The following AFAP1L2 variants were observed in gnomAD, a reference collection of about 807,000 sequenced individuals.
The protein encoded by AFAP1L2 is actin filament associated protein 1 like 2.
Under a neutral mutation model 99.3 loss-of-function variants are expected in AFAP1L2, and 46 were observed. The ratio of observed to expected loss-of-function variants is 0.46; its 90% CI spans 0.37 to 0.59. The LOEUF (loss-of-function observed/expected upper bound fraction) is 0.59. Among genes scored for constraint, AFAP1L2 ranks in the 20% least tolerant of loss-of-function variants. AFAP1L2 has a pLI of 0.00. For synonymous variants in AFAP1L2, 397 were observed against 419.1 expected, an observed-to-expected ratio of 0.95 and a Z score of 0.64; for missense variants, 959 against 1,034.9, an observed-to-expected ratio of 0.93 and a Z score of 1.01.
chr10:114,284,874 T>C, the AFAP1L2 span: 1 of 1,608,882 alleles, frequency 6.2e-7, no homozygotes, highest in Non-Finnish European at 8.5e-7. Flanking sequence ...CCCCTGTGAC[T>C]CGCAGCCCTG....
intron 5 of AFAP1L2, 97 bp downstream of exon 5, chr10:114,323,074 C>G: frequency 2.7e-6 from 3 of 1,129,244 alleles, no homozygotes; most frequent in Non-Finnish European, 3.8e-6. Context: ...TCACCCAGCC[C>G]AGGATGAGTG....
At chr10:114,328,036 T>C (rs578109414) in intron 4 of AFAP1L2, among the ~76,000 whole-genome samples, 2 of 152,030 alleles carry the variant, frequency 1.3e-5, no homozygotes, top group Non-Finnish European at 2.9e-5. Context: ...GACGATGGGG[T>C]GGAGATGGCC....
intron 1 of AFAP1L2, among the ~76,000 whole-genome samples, chr10:114,359,657 A>T (rs1382889789): frequency 6.6e-6 from 1 of 152,240 alleles, no homozygotes; most frequent in Non-Finnish European, 1.5e-5. Context: ...TTTAGGCTTC[A>T]AACAAGTGAT....
intron 1 of AFAP1L2, among the ~76,000 whole-genome samples, chr10:114,345,133 A>AGAT (rs2136038697): frequency 6.7e-6 from 1 of 149,296 alleles, no homozygotes; most frequent in Non-Finnish European, 1.5e-5. Context: ...AAAAGGGATG[A>AGAT]GATGCTCAGA....
rs539934313 is a variant in AFAP1L2 at position 114,336,848 on chromosome 10, G to A, written c.146-3553C>T. Among the ~76,000 whole-genome samples, 392 of 152,296 alleles carry A rather than the reference G, an allele frequency of 2.6e-3. 3 individuals carry two copies. Among genetic ancestry groups the A allele is most frequent in the African/African-American group, 9.1e-3 (378 of 41,562 alleles). ...TCTCCATCCAGACAAAAAGCAAAGA[G>A]GGTAGAAAAATTTGTGTTACACTGA... On this transcript the variant is annotated intron_variant, in intron 2 of 18. Transcript: ENST00000304129.
intron 4 of AFAP1L2, among the ~76,000 whole-genome samples, chr10:114,323,659 A>C (rs530049663): frequency 6.6e-6 from 1 of 152,240 alleles, no homozygotes; most frequent in Admixed American, 6.5e-5. Flanking sequence ...ACAAGTGCTA[A>C]TCAATAGCAC....
chr10:114,289,542 C>CT, the AFAP1L2 span: 1 of 1,596,812 alleles, frequency 6.3e-7, no homozygotes, highest in East Asian at 2.2e-5. Context: ...GGCCCTCAGC[C>CT]TGAGCCTTCA....
At chr10:114,311,833 G>A (rs766621695) in intron 7 of AFAP1L2, among the ~76,000 whole-genome samples, 1 of 152,208 alleles carries the variant, frequency 6.6e-6, no homozygotes, top group Non-Finnish European at 1.5e-5. Context: ...GTCTCACCCT[G>A]GGCATGGGTG....
chr10:114,301,381 G>A lies in AFAP1L2; in HGVS notation c.1515C>T (p.Asp505=), dbSNP rs147782328. 2.3e-5 allele frequency: 37 copies of A among 1,614,096 alleles called. 1 individual carries two copies. The highest frequency in any genetic ancestry group is 1.6e-4 in the African/African-American group (12 of 74,954). The change falls in exon 13 of 19, where the codon GAC becomes GAT. Residue 505 remains aspartate, a synonymous_variant. Transcript: ENST00000304129. ...SQDRQEELYD[D]VDLSELTAAV... ...CAGCTGTGAGCTCTGACAGGTCCAC[G>A]TCGTCATACAGCTCCTCCTGGCGGT... is the stretch of plus-strand genomic sequence containing the variant.
At chr10:114,386,323 C>A (rs1776917087) in intron 1 of AFAP1L2, among the ~76,000 whole-genome samples, 1 of 152,060 alleles carries the variant, frequency 6.6e-6, no homozygotes, top group South Asian at 2.1e-4. Flanking sequence ...ATCGCTTGAG[C>A]CCAGGATGTC....
chr10:114,368,535 C>A (rs945873031), intron 1 of AFAP1L2, among the ~76,000 whole-genome samples: 1 of 152,132 alleles, frequency 6.6e-6, no homozygotes, highest in African/African-American at 2.4e-5. Flanking sequence ...TCTCCTGCCT[C>A]AGCCTCCTGA....
chr10:114,319,880 T>G (rs537660812), intron 5 of AFAP1L2, among the ~76,000 whole-genome samples: 1 of 152,290 alleles, frequency 6.6e-6, no homozygotes, highest in African/African-American at 2.4e-5. Context: ...GATGACCATG[T>G]GACTACTTGT....
chr10:114,290,952 C>G (rs937570285), downstream of AFAP1L2, among the ~76,000 whole-genome samples: 1 of 152,136 alleles, frequency 6.6e-6, no homozygotes, highest in South Asian at 2.1e-4. Context: ...GGCTCCTGTT[C>G]ATGAGTTTGA....
chr10:114,307,920 G>A lies in AFAP1L2; in HGVS notation c.968-11C>T, dbSNP rs764685201. 2.5e-6 allele frequency: 4 copies of A among 1,612,726 alleles called. No homozygotes were observed. In the African/African-American group the frequency reaches 5.3e-5, roughly 22 times the overall value. ...AACATTTCTTCTTGACTGTCAAGAT[G>A]AGACAGAAAGCAATTCGTATTGCAC... On this transcript the variant is annotated splice_polypyrimidine_tract_variant and intron_variant, in intron 9 of 18. Transcript: ENST00000304129.
intron 1 of AFAP1L2, chr10:114,398,884 C>G (rs757596843): frequency 7.7e-7 from 1 of 1,304,228 alleles, no homozygotes; most frequent in East Asian, 5.5e-5. Flanking sequence ...CTCTGTACCA[C>G]CAGACAGCAA....
At chr10:114,330,167 C>G (rs987594133) in intron 4 of AFAP1L2, among the ~76,000 whole-genome samples, 1 of 152,174 alleles carries the variant, frequency 6.6e-6, no homozygotes, top group African/African-American at 2.4e-5. Flanking sequence ...CCACCCACCC[C>G]ACATGGTAGA....
intron 1 of AFAP1L2, among the ~76,000 whole-genome samples, chr10:114,382,591 T>TTC (rs2055817953): frequency 4.7e-4 from 2 of 4,284 alleles, no homozygotes; most frequent in Non-Finnish European, 5.5e-3. Context: ...TTCTTCTCTT[T>TTC]TTTTTTTTTT....
chr10:114,377,050 G>A lies in AFAP1L2; in HGVS notation c.16+27390C>T, dbSNP rs1388154481. On this transcript the variant is annotated intron_variant, in intron 1 of 18. Transcript: ENST00000304129. The surrounding 1 kb of genome is among the most constrained non-coding windows in gnomAD (Gnocchi z 4.0). ...CAACTTGGTGTTTTCAAATATCACT[G>A]GGGGCATTATACAAGACAAGGTCAT... is the stretch of plus-strand genomic sequence containing the variant. Among the ~76,000 whole-genome samples, 2 of 152,156 alleles carry A rather than the reference G, an allele frequency of 1.3e-5. No individual in the cohort carries two copies. The highest frequency in any genetic ancestry group is 2.9e-5 in the Non-Finnish European group (2 of 68,036).
At chr10:114,363,844 C>G (rs1282619857) in intron 1 of AFAP1L2, among the ~76,000 whole-genome samples, 2 of 149,670 alleles carry the variant, frequency 1.3e-5, no homozygotes, top group African/African-American at 2.5e-5. Flanking sequence ...TCACCACAAC[C>G]CTATGTGAAA....
Sources: gnomAD v4.1 joint callset for allele counts (sites outside exome capture counted in the v4.1 genomes callset) on GRCh38, gnomAD v4.1.1 for gene constraint, Gnocchi (gnomAD v3.1) non-coding constraint, MANE v1.5 for transcripts, NCBI Gene and HGNC (gene_info 2026-07-23, HGNC 2026-07-21) for gene names.